SGCZ: variants seen among roughly 807,000 people sequenced by gnomAD.
SGCZ encodes zeta-sarcoglycan.
In SGCZ, 40 loss-of-function variants were observed where a neutral mutation model predicts 41.3. That is an observed-to-expected ratio of 0.97 (90% CI 0.75 to 1.26). The LOEUF is 1.26. SGCZ is among the 50% of genes most tolerant of loss of function. SGCZ has a pLI of 0.00. For synonymous variants in SGCZ, 206 were observed against 137.5 expected (o/e 1.50, Z -3.49); for missense variants, 552 against 369.8 (o/e 1.49, Z -4.04).
At chr8:14,451,944 TAGTC>T (rs1362195781) in intron 2 of SGCZ, among the ~76,000 whole-genome samples, 6 of 152,180 alleles carry the variant, frequency 3.9e-5, no homozygotes, top group African/African-American at 1.2e-4. Flanking sequence ...AAACTAAACA[TAGTC>T]AGTTTACGAT....
chr8:14,981,766 C>A (rs1022286517), intron 1 of SGCZ, among the ~76,000 whole-genome samples: 3 of 152,074 alleles, frequency 2.0e-5, no homozygotes, highest in African/African-American at 7.2e-5. Context: ...AGAACGAGAC[C>A]CACCAAATAT....
chr8:14,478,571 G>T (rs1801429181), intron 2 of SGCZ, among the ~76,000 whole-genome samples: 1 of 150,592 alleles, frequency 6.6e-6, no homozygotes, highest in African/African-American at 2.5e-5. Flanking sequence ...CGATTTTTAG[G>T]GCAGTGAAAC....
chr8:15,110,409 G>A (rs567775161), intron 1 of SGCZ, among the ~76,000 whole-genome samples: 182 of 152,224 alleles, frequency 1.2e-3, no homozygotes, highest in Non-Finnish European at 2.3e-3. Flanking sequence ...TCCATGGATA[G>A]GCTGACCCAG....
At chr8:14,926,262 T>A (rs1563367913) in intron 1 of SGCZ, among the ~76,000 whole-genome samples, 2 of 152,080 alleles carry the variant, frequency 1.3e-5, no homozygotes, top group Admixed American at 1.3e-4. Flanking sequence ...AAAATAAGCA[T>A]AAAAAATAAT....
At chr8:14,830,809 T>C (rs1321379803) in intron 1 of SGCZ, among the ~76,000 whole-genome samples, 1 of 152,160 alleles carries the variant, frequency 6.6e-6, no homozygotes, top group Admixed American at 6.5e-5. Context: ...GCTCTCTCGG[T>C]ATGCAATCAC....
intron 2 of SGCZ, among the ~76,000 whole-genome samples, chr8:14,506,281 A>C (rs1459993641): frequency 6.6e-6 from 1 of 152,116 alleles, no homozygotes; most frequent in Non-Finnish European, 1.5e-5. Flanking sequence ...ACTTGTGTTC[A>C]TATCCTCTAT....
At position 14,551,470 on chromosome 8, in the gene SGCZ, ATATTATAT is replaced by A. The variant is rs1803815365; in HGVS notation, c.234+3254_234+3261del. On this transcript the variant is annotated intron_variant, in intron 2 of 7. Coordinates refer to ENST00000382080, the MANE Select transcript of SGCZ (RefSeq NM_139167.4). ...CATATATATATTATATATATTATAT[ATATTATAT>A]ATTATATATATTATATATATTATAT... Among the ~76,000 whole-genome samples, 4 of 6,742 alleles carry A rather than the reference ATATTATAT, an allele frequency of 5.9e-4. 2 individuals are homozygous for A. Among genetic ancestry groups the A allele is most frequent in the Non-Finnish European group, 1.2e-3 (4 of 3,330 alleles). 4.4% of individuals were successfully genotyped at this position (6,742 alleles called of 152,430 possible). A position where few individuals can be genotyped will look rare whatever the true frequency, so the allele number is the denominator to read the frequency against.
At chr8:14,292,527 G>A (rs1248127366) in intron 3 of SGCZ, among the ~76,000 whole-genome samples, 3 of 152,052 alleles carry the variant, frequency 2.0e-5, no homozygotes, top group African/African-American at 7.2e-5. Context: ...ACAAGATAGG[G>A]AATGAAGAGA....
intron 2 of SGCZ, among the ~76,000 whole-genome samples, chr8:14,346,076 T>G (rs1041255274): frequency 1.3e-5 from 2 of 152,242 alleles, no homozygotes; most frequent in South Asian, 4.1e-4. Context: ...ATGTGAATTA[T>G]GAATTTTAGT....
chr8:14,990,643 G>T (rs1801982296), intron 1 of SGCZ, among the ~76,000 whole-genome samples: 1 of 152,002 alleles, frequency 6.6e-6, no homozygotes, highest in African/African-American at 2.4e-5. Flanking sequence ...GGCTCTCACT[G>T]ATTCTACATT....
chr8:14,555,908 T>C (rs1220434214), intron 1 of SGCZ, among the ~76,000 whole-genome samples: 4 of 151,948 alleles, frequency 2.6e-5, no homozygotes, highest in Non-Finnish European at 4.4e-5. Flanking sequence ...CAATGAGTTA[T>C]CAGAAAAAAA....
chr8:14,761,614 C>T (rs1014684755), intron 1 of SGCZ, among the ~76,000 whole-genome samples: 2 of 151,408 alleles, frequency 1.3e-5, no homozygotes, highest in Non-Finnish European at 2.9e-5. Flanking sequence ...CCACCTCCTC[C>T]TCTTACCTCC....
At chr8:14,411,038 T>A (rs775383698) in intron 2 of SGCZ, among the ~76,000 whole-genome samples, 1 of 152,110 alleles carries the variant, frequency 6.6e-6, no homozygotes, top group Non-Finnish European at 1.5e-5. Flanking sequence ...CAATTCCAGA[T>A]AGAAATATTT....
At position 14,188,360 on chromosome 8, in the gene SGCZ, G is replaced by A. The variant is rs943582326; in HGVS notation, c.425-23658C>T. On this transcript the variant is annotated intron_variant, in intron 4 of 7. Coordinates refer to ENST00000382080, the MANE Select transcript of SGCZ (RefSeq NM_139167.4). ...GGATCCGTACAGTAAAGTTTTATTTGGCCTTAGAAAGGAATGGAGCAGTGA... is the reference window on the plus strand; with the variant it reads ...GGATCCGTACAGTAAAGTTTTATTTAGCCTTAGAAAGGAATGGAGCAGTGA... Among the ~76,000 whole-genome samples the A allele has an allele frequency of 2.0e-5, 3 of 152,084 alleles. No homozygotes were observed. The South Asian group carries it at 6.2e-4, about 32-fold the overall frequency.
chr8:14,492,971 C>T (rs985516340), intron 2 of SGCZ, among the ~76,000 whole-genome samples: 1 of 152,082 alleles, frequency 6.6e-6, no homozygotes. Context: ...GTCTTCATTG[C>T]TATCATGGGA....
At chr8:14,221,979 G>A (rs1044818871) in intron 4 of SGCZ, among the ~76,000 whole-genome samples, 3 of 151,140 alleles carry the variant, frequency 2.0e-5, no homozygotes, top group African/African-American at 7.3e-5. Flanking sequence ...AAAAAAAAGT[G>A]GAAGTGGGGT....
intron 1 of SGCZ, among the ~76,000 whole-genome samples, chr8:15,210,471 A>C (rs9325747): frequency 0.78 from 118,752 of 151,838 alleles, 46,907 homozygotes; most frequent in South Asian, 0.84. Context: ...AACTTCCTTA[A>C]AGTCACAGTC....
At chr8:14,660,468 AG>A (rs1190949872) in intron 1 of SGCZ, among the ~76,000 whole-genome samples, 1 of 145,656 alleles carries the variant, frequency 6.9e-6, no homozygotes, top group Non-Finnish European at 1.5e-5. Context: ...ACTACCTGGG[AG>A]GGTGAGGCAG....
At chr8:15,232,202 A>G (rs1801964737) in intron 1 of SGCZ, among the ~76,000 whole-genome samples, 1 of 152,244 alleles carries the variant, frequency 6.6e-6, no homozygotes, top group African/African-American at 2.4e-5. Flanking sequence ...GAGACAGCAT[A>G]AGAAACAGCG....
Sources: allele counts gnomAD v4.1 joint callset (sites outside exome capture counted in the v4.1 genomes callset), GRCh38; gene constraint gnomAD v4.1.1; transcripts MANE v1.5; gene names NCBI Gene and HGNC (gene_info 2026-07-23, HGNC 2026-07-21).